Variants in NRG3 observed in about 807,000 individuals in gnomAD.
NRG3 encodes the protein neuregulin 3.
A neutral mutation model predicts 66.9 loss-of-function variants in NRG3; 31 were observed. The ratio of observed to expected loss-of-function variants is 0.46; its 90% CI spans 0.35 to 0.63. The LOEUF (loss-of-function observed/expected upper bound fraction) is 0.63. Among genes scored for constraint, NRG3 ranks in the 20% least tolerant of loss-of-function variants. The probability of loss-of-function intolerance (pLI) is 0.00; values close to 1 mark genes in which losing one functional copy is unlikely to be tolerated. For synonymous variants in NRG3, 393 were observed against 359.4 expected (o/e 1.09, Z -1.06); for missense variants, 910 against 878.9 (o/e 1.04, Z -0.45).
chr10:82,359,181 G>A (rs541603409), intron 2 of NRG3, among the ~76,000 whole-genome samples: 6 of 152,206 alleles, frequency 3.9e-5, no homozygotes, highest in African/African-American at 1.2e-4. Context: ...ATGATGTGGA[G>A]CTTAGGCATA....
chr10:82,920,913 G>C (rs80346073), intron 4 of NRG3, among the ~76,000 whole-genome samples: 3,575 of 152,130 alleles, frequency 0.023, 49 homozygotes, highest in Admixed American at 0.033. Context: ...GGGAAAAATA[G>C]ACAAATCTCT....
intron 2 of NRG3, among the ~76,000 whole-genome samples, chr10:82,494,699 G>C (rs1015557322): frequency 2.6e-5 from 4 of 151,986 alleles, no homozygotes; most frequent in African/African-American, 9.7e-5. Flanking sequence ...TTTTTCATCT[G>C]TAAGTGAAAG....
intron 2 of NRG3, among the ~76,000 whole-genome samples, chr10:82,418,969 C>A (rs2088849062): frequency 6.6e-6 from 1 of 152,080 alleles, no homozygotes; most frequent in Non-Finnish European, 1.5e-5. Flanking sequence ...ATGAAAAAGA[C>A]ATTTTGTAAT....
At chr10:82,434,006 G>A (rs527966201) in intron 2 of NRG3, among the ~76,000 whole-genome samples, 2 of 152,208 alleles carry the variant, frequency 1.3e-5, no homozygotes, top group South Asian at 4.1e-4. Flanking sequence ...GTAGTTTGAT[G>A]GGAATAACAT....
At chr10:82,537,313 TA>T (rs1250638756) in intron 2 of NRG3, among the ~76,000 whole-genome samples, 2 of 152,318 alleles carry the variant, frequency 1.3e-5, no homozygotes, top group East Asian at 1.9e-4. Context: ...AACAGGGTAT[TA>T]AAAAATGTTC....
At chr10:82,259,509 G>A (rs539120408) in intron 1 of NRG3, among the ~76,000 whole-genome samples, 35 of 152,196 alleles carry the variant, frequency 2.3e-4, no homozygotes, top group African/African-American at 7.7e-4. Context: ...ATGGCACACC[G>A]TAGTAATCAT....
rs537469160 is a variant in NRG3, at chr10:82,720,629, ATGAGGG to A, written c.954-17946_954-17941del. Among the ~76,000 whole-genome samples the A allele has an allele frequency of 9.8e-3, 1,491 of 151,756 alleles. 24 individuals carry two copies. Among genetic ancestry groups the A allele is most frequent in the African/African-American group, 0.035 (1,425 of 41,244 alleles). Reference sequence around the variant, plus strand: ...ACAACATCTCCTTCTCAACAGTGTCATGAGGGTTACTTTACCTAACCTTTGTAATGC... The same window carrying A: ...ACAACATCTCCTTCTCAACAGTGTCATTACTTTACCTAACCTTTGTAATGC... On this transcript the variant is annotated intron_variant, in intron 2 of 8. Coordinates refer to ENST00000372141, the MANE Select transcript of NRG3 (RefSeq NM_001010848.4).
chr10:82,273,909 G>A (rs974599773), intron 1 of NRG3, among the ~76,000 whole-genome samples: 2 of 151,924 alleles, frequency 1.3e-5, no homozygotes, highest in East Asian at 1.9e-4. Context: ...TGAGCCAGAC[G>A]AATCTTGAAA....
chr10:81,969,866 C>T (rs562492453), intron 1 of NRG3, among the ~76,000 whole-genome samples: 85 of 151,972 alleles, frequency 5.6e-4, no homozygotes, highest in Non-Finnish European at 9.6e-4. Flanking sequence ...TTCCAATGCC[C>T]GTTTTAACTC....
intron 5 of NRG3, among the ~76,000 whole-genome samples, chr10:82,953,682 G>A (rs774348022): frequency 3.3e-5 from 5 of 151,842 alleles, no homozygotes; most frequent in Non-Finnish European, 5.9e-5. Context: ...AGGATTAAAT[G>A]CAATCATGGC....
chr10:82,618,704 G>A (rs1214094964), intron 2 of NRG3, among the ~76,000 whole-genome samples: 1 of 151,804 alleles, frequency 6.6e-6, no homozygotes, highest in Admixed American at 6.6e-5. Flanking sequence ...TACAGAAATT[G>A]TTAAATAAAC....
At chr10:82,036,155 T>C (rs1331858857) in intron 1 of NRG3, among the ~76,000 whole-genome samples, 1 of 152,060 alleles carries the variant, frequency 6.6e-6, no homozygotes, top group Non-Finnish European at 1.5e-5. Flanking sequence ...ACAAGGGTTT[T>C]TAAGAATCAG....
At chr10:82,794,125 C>G (rs1036129227) in intron 3 of NRG3, among the ~76,000 whole-genome samples, 3 of 152,070 alleles carry the variant, frequency 2.0e-5, no homozygotes, top group African/African-American at 7.2e-5. Context: ...CTATTTTTCT[C>G]TTTGTGTCTC....
intron 2 of NRG3, among the ~76,000 whole-genome samples, chr10:82,387,903 T>C (rs1481696155): frequency 1.3e-5 from 2 of 152,202 alleles, no homozygotes. Context: ...AGAGATAATA[T>C]ATATTTTTAA....
chr10:82,169,803 A>G (rs997432561), intron 1 of NRG3, among the ~76,000 whole-genome samples: 1 of 151,310 alleles, frequency 6.6e-6, no homozygotes, highest in Non-Finnish European at 1.5e-5. Context: ...TCAGTATATC[A>G]TTTTTATTAT....
At chr10:82,932,873 C>T (rs1421547099) in intron 4 of NRG3, among the ~76,000 whole-genome samples, 2 of 152,010 alleles carry the variant, frequency 1.3e-5, no homozygotes, top group Non-Finnish European at 2.9e-5. Flanking sequence ...GTTTCTTCCT[C>T]CTCTCCCTTC....
intron 2 of NRG3, among the ~76,000 whole-genome samples, chr10:82,474,764 G>C (rs2132085826): frequency 6.6e-6 from 1 of 152,126 alleles, no homozygotes; most frequent in South Asian, 2.1e-4. Flanking sequence ...ACAAATACAA[G>C]AAGCTCAGTG....
At chr10:82,046,011 A>G (rs1166608844) in intron 1 of NRG3, among the ~76,000 whole-genome samples, 1 of 145,992 alleles carries the variant, frequency 6.8e-6, no homozygotes, top group Non-Finnish European at 1.5e-5. Flanking sequence ...TGATGCCTCC[A>G]GGTTTGTTCT....
chr10:82,297,682 A>G (rs2080150164), intron 1 of NRG3, among the ~76,000 whole-genome samples: 1 of 152,140 alleles, frequency 6.6e-6, no homozygotes, highest in Non-Finnish European at 1.5e-5. Context: ...ATCATAATGT[A>G]TAAATATAGG....
Sources: gnomAD v4.1 joint callset for allele counts (sites outside exome capture counted in the v4.1 genomes callset) on GRCh38, gnomAD v4.1.1 for gene constraint, MANE v1.5 for transcripts, NCBI Gene and HGNC (gene_info 2026-07-23, HGNC 2026-07-21) for gene names.